ELMO1: variants seen among roughly 807,000 people sequenced by gnomAD.
The protein encoded by ELMO1 is engulfment and cell motility 1.
A neutral mutation model predicts 98.9 loss-of-function variants in ELMO1; 26 were observed. The ratio of observed to expected loss-of-function variants is 0.26; its 90% CI spans 0.19 to 0.36. ELMO1 has a LOEUF of 0.36. Among genes scored for constraint, ELMO1 ranks in the 10% least tolerant of loss-of-function variants. The pLI is 1.00. For missense variants in ELMO1, 627 were observed against 935.2 expected (o/e 0.67, Z 4.30); for synonymous variants, 346 against 346.0 (o/e 1.00, Z 0.00).
intron 17 of ELMO1, among the ~76,000 whole-genome samples, chr7:36,888,348 T>A (rs1313150128): frequency 1.3e-5 from 2 of 152,234 alleles, no homozygotes; most frequent in Non-Finnish European, 2.9e-5. Flanking sequence ...TTTCAAATTT[T>A]TTTTTTTAGA....
At chr7:37,041,313 C>T (rs1475911664) in intron 15 of ELMO1, among the ~76,000 whole-genome samples, 1 of 152,104 alleles carries the variant, frequency 6.6e-6, no homozygotes, top group Non-Finnish European at 1.5e-5. Context: ...ATAGCCATAA[C>T]CTGAACAACA....
At chr7:37,243,346 G>A (rs143003549) in intron 7 of ELMO1, among the ~76,000 whole-genome samples, 216 of 152,242 alleles carry the variant, frequency 1.4e-3, no homozygotes, top group African/African-American at 5.0e-3. Flanking sequence ...AGGAAATACC[G>A]AGCTTGTATG....
chr7:37,328,874 TACCCCAA>T (rs1397904658), intron 2 of ELMO1, among the ~76,000 whole-genome samples: 2 of 152,186 alleles, frequency 1.3e-5, no homozygotes, highest in Non-Finnish European at 2.9e-5. Context: ...ACTCAAATCT[TACCCCAA>T]AACTCTCTTT....
At chr7:37,389,344 C>G (rs1380083838) in intron 1 of ELMO1, among the ~76,000 whole-genome samples, 5 of 152,196 alleles carry the variant, frequency 3.3e-5, no homozygotes, top group Non-Finnish European at 7.3e-5. Context: ...CACATAAAAC[C>G]TTTCCTTTAT....
chr7:37,336,979 G>T (rs1187619230), intron 2 of ELMO1, among the ~76,000 whole-genome samples: 1 of 152,136 alleles, frequency 6.6e-6, no homozygotes, highest in Non-Finnish European at 1.5e-5. Context: ...AGAGAACATG[G>T]CTGGGACAAA....
intron 17 of ELMO1, among the ~76,000 whole-genome samples, chr7:36,892,047 A>G (rs977449759): frequency 2.6e-5 from 4 of 152,244 alleles, no homozygotes; most frequent in African/African-American, 9.6e-5. Flanking sequence ...GCTAAGAAAT[A>G]AAACAGAGCT....
chr7:37,171,991 A>G (rs188236337), intron 13 of ELMO1, among the ~76,000 whole-genome samples: 373 of 152,288 alleles, frequency 2.4e-3, no homozygotes, highest in Non-Finnish European at 4.5e-3. Flanking sequence ...GTTAGTAAAA[A>G]TATTTTAAAA....
rs141949551 is a variant in ELMO1 at position 37,016,638 on chromosome 7, C to A, written c.1301-3203G>T. Among the ~76,000 whole-genome samples the A allele has an allele frequency of 2.6e-5, 4 of 152,198 alleles. No homozygotes were observed. The East Asian group carries it at 7.7e-4, about 29-fold the overall frequency. ...GATCACAGCAAGTGCGTAGCCAGTG[C>A]CTGCTGACTGAGAACACTCGGCCAT... On this transcript the variant is annotated intron_variant, in intron 15 of 21. Coordinates refer to ENST00000310758, the MANE Select transcript of ELMO1 (RefSeq NM_014800.11).
chr7:37,212,649 T>C (rs1046569216), intron 12 of ELMO1, among the ~76,000 whole-genome samples: 1 of 152,184 alleles, frequency 6.6e-6, no homozygotes, highest in Non-Finnish European at 1.5e-5. Flanking sequence ...ACTTCACATA[T>C]GCAGTTCACA....
At chr7:37,031,952 A>G (rs905920101) in intron 15 of ELMO1, among the ~76,000 whole-genome samples, 5 of 152,226 alleles carry the variant, frequency 3.3e-5, no homozygotes, top group Non-Finnish European at 5.9e-5. Flanking sequence ...CACACATTTC[A>G]GTGCCTGGGC....
chr7:37,224,617 T>G (rs970566668), intron 9 of ELMO1, among the ~76,000 whole-genome samples: 1 of 152,120 alleles, frequency 6.6e-6, no homozygotes, highest in African/African-American at 2.4e-5. Context: ...TCTACCAATA[T>G]CCATTAAAAC....
At chr7:36,857,496 C>G (rs1802294632) in intron 21 of ELMO1, among the ~76,000 whole-genome samples, 1 of 152,196 alleles carries the variant, frequency 6.6e-6, no homozygotes, top group Admixed American at 6.5e-5. Flanking sequence ...TCTTTTCACA[C>G]AGCCTTCCCA....
At chr7:37,195,745 A>C (rs1196821716) in intron 13 of ELMO1, among the ~76,000 whole-genome samples, 4 of 152,226 alleles carry the variant, frequency 2.6e-5, no homozygotes, top group Non-Finnish European at 4.4e-5. Context: ...CCTGAACTTT[A>C]AAAGCTGTAC....
chr7:36,985,966 C>A, intron 16 of ELMO1: 14 of 1,002,948 alleles, frequency 1.4e-5, no homozygotes, highest in Non-Finnish European at 1.4e-5. Flanking sequence ...AATACTGATT[C>A]TAAGCTGCTG....
At chr7:37,064,664 CTCTTATCCT>C (rs1796857912) in intron 15 of ELMO1, among the ~76,000 whole-genome samples, 2 of 152,186 alleles carry the variant, frequency 1.3e-5, no homozygotes, top group Admixed American at 1.3e-4. Flanking sequence ...GTTCTCTCCT[CTCTTATCCT>C]TCTTACTTAC....
chr7:37,119,482 T>C (rs1315380636), intron 14 of ELMO1, among the ~76,000 whole-genome samples: 2 of 152,230 alleles, frequency 1.3e-5, no homozygotes, highest in African/African-American at 4.8e-5. Flanking sequence ...AGGATCTAAA[T>C]CATTATTTCT....
At chr7:37,387,503 A>G (rs976460228) in intron 1 of ELMO1, among the ~76,000 whole-genome samples, 1 of 152,204 alleles carries the variant, frequency 6.6e-6, no homozygotes. Context: ...CTACTCCAGT[A>G]TGATCTCATC....
chr7:37,018,633 C>A (rs952350727), intron 15 of ELMO1, among the ~76,000 whole-genome samples: 1 of 151,996 alleles, frequency 6.6e-6, no homozygotes, highest in Admixed American at 6.6e-5. Flanking sequence ...CACGACACCA[C>A]GCCTGGCTAA....
At chr7:37,036,949 C>T (rs1465193190) in intron 15 of ELMO1, among the ~76,000 whole-genome samples, 1 of 152,104 alleles carries the variant, frequency 6.6e-6, no homozygotes, top group African/African-American at 2.4e-5. Context: ...CACTCTGAAG[C>T]TTGAGTTCAT....
Sources: gnomAD v4.1 joint callset for allele counts (sites outside exome capture counted in the v4.1 genomes callset) on GRCh38, gnomAD v4.1.1 for gene constraint, MANE v1.5 for transcripts, NCBI Gene and HGNC (gene_info 2026-07-23, HGNC 2026-07-21) for gene names.